Variants in PPWD1 observed in about 807,000 individuals in gnomAD.
The protein encoded by PPWD1 is peptidylprolyl isomerase domain and WD repeat-containing protein 1.
PPWD1 carries 43 observed loss-of-function variants against 68.8 expected under a neutral mutation model. The observed-to-expected ratio is 0.62, with a 90% confidence interval of 0.49 to 0.81. The LOEUF (loss-of-function observed/expected upper bound fraction) is 0.81. PPWD1 is among the 30% of genes least tolerant of loss of function. The pLI is 0.00. For synonymous variants in PPWD1, 232 were observed against 258.7 expected (o/e 0.90, Z 0.99); for missense variants, 672 against 804.8 (o/e 0.83, Z 2.00).
intron 1 of PPWD1, 126 bp from the exon 2 acceptor site, chr5:65,567,387 G>C: frequency 7.5e-7 from 1 of 1,325,608 alleles, no homozygotes; most frequent in East Asian, 2.6e-5. Context: ...ATTGTGAATT[G>C]AGAAAAACTA....
In PPWD1 at chr5:65,587,518, AT is replaced by A; in HGVS notation, c.*128del. The A allele has an allele frequency of 1.3e-6, 1 of 795,380 alleles. No individual in the cohort carries two copies. Among genetic ancestry groups the A allele is most frequent in the Non-Finnish European group, 1.8e-6 (1 of 565,322 alleles). 49.3% of individuals were successfully genotyped at this position (795,380 alleles called of 1,614,324 possible). A position where few individuals can be genotyped will look rare whatever the true frequency, so the allele number is the denominator to read the frequency against. ...TGTTTCAAAGATACAGTATTTTTGT[AT>A]TTTTTATTAAAGGCTATTTTTTAAA... On this transcript the variant is annotated 3_prime_UTR_variant, in exon 11 of 11. Transcript: ENST00000261308.
At chr5:65,563,587 A>G in intron 1 of PPWD1, 81 bp downstream of exon 1, 1 of 1,488,336 alleles carries the variant, frequency 6.7e-7, no homozygotes, top group Non-Finnish European at 9.0e-7. Flanking sequence ...CCGAAGAGGG[A>G]TGATGTGTGG....
At chr5:65,585,197 G>A (rs1753781737) in intron 9 of PPWD1, 102 bp downstream of exon 9, 1 of 1,198,646 alleles carries the variant, frequency 8.3e-7, no homozygotes. Context: ...AATCAGTTTA[G>A]TGGAAAGGAA....
chr5:65,584,621 C>T (rs1753739965), intron 8 of PPWD1, among the ~76,000 whole-genome samples: 1 of 152,004 alleles, frequency 6.6e-6, no homozygotes, highest in Non-Finnish European at 1.5e-5. Context: ...CTTTAGGAGG[C>T]TGAGGCAGGA....
At chr5:65,585,163 A>G in intron 9 of PPWD1, 68 bp downstream of exon 9, 1 of 1,440,690 alleles carries the variant, frequency 6.9e-7, no homozygotes, top group Non-Finnish European at 9.6e-7. Flanking sequence ...ATTTAAGCGC[A>G]AGGAATCTTC....
chr5:65,573,281 T>A (rs1168627555), intron 5 of PPWD1, among the ~76,000 whole-genome samples: 1 of 150,424 alleles, frequency 6.6e-6, no homozygotes, highest in Non-Finnish European at 1.5e-5. Flanking sequence ...TCTTGCACAG[T>A]TTTTTTATTT....
chr5:65,565,374 T>TAA lies in PPWD1; in HGVS notation c.196+1872_196+1873dup, dbSNP rs764500602. ...TTAATTAAACGAGTAAGGAGAAATG[T>TAA]AAAAATCCAGAAATATCGAAATGCT... On this transcript the variant is annotated intron_variant, in intron 1 of 10. Coordinates refer to ENST00000261308, the MANE Select transcript of PPWD1 (RefSeq NM_015342.4). 1.2e-3 allele frequency among the ~76,000 whole-genome samples: 190 copies of TAA among 152,344 alleles called. 1 individual carries two copies. The Middle Eastern group carries it at 0.031, about 25-fold the overall frequency.
chr5:65,564,869 A>G (rs1043369333), intron 1 of PPWD1, among the ~76,000 whole-genome samples: 8 of 152,128 alleles, frequency 5.3e-5, no homozygotes, highest in Non-Finnish European at 8.8e-5. Context: ...CTTTTGGTCA[A>G]CCTTTAGCAC....
chr5:65,570,044 T>C, intron 4 of PPWD1, 46 bp downstream of exon 4: 2 of 1,508,088 alleles, frequency 1.3e-6, no homozygotes, highest in Non-Finnish European at 1.8e-6. Context: ...TTGAAGTAAT[T>C]TGTAAATCAG....
chr5:65,563,590 A>G, intron 1 of PPWD1, 84 bp downstream of exon 1: 9 of 1,482,780 alleles, frequency 6.1e-6, no homozygotes, highest in Non-Finnish European at 8.1e-6. Flanking sequence ...AAGAGGGATG[A>G]TGTGTGGAGT....
chr5:65,584,172 G>C (rs1753718691), intron 8 of PPWD1, among the ~76,000 whole-genome samples: 1 of 151,920 alleles, frequency 6.6e-6, no homozygotes, highest in African/African-American at 2.4e-5. Context: ...ACCATATCTT[G>C]GTACTCAACA....
At chr5:65,583,001 T>G in intron 7 of PPWD1, 37 bp from the exon 8 acceptor site, 2 of 1,469,446 alleles carry the variant, frequency 1.4e-6, no homozygotes, top group Non-Finnish European at 1.8e-6. Context: ...GATGAAAACT[T>G]TAATTCGTTG....
intron 5 of PPWD1, among the ~76,000 whole-genome samples, chr5:65,574,565 G>A (rs1054213914): frequency 1.0e-4 from 15 of 144,118 alleles, no homozygotes; most frequent in South Asian, 2.3e-4. Flanking sequence ...CCGGGTTCAC[G>A]CCATTCTCCT....
At position 65,586,201 on chromosome 5, in the gene PPWD1, TTA is replaced by T; in HGVS notation, c.1797+23_1797+24del. 1 of 1,597,614 alleles carries T rather than the reference TTA, an allele frequency of 6.3e-7. No homozygotes were observed. Among genetic ancestry groups the T allele is most frequent in the East Asian group, 2.2e-5 (1 of 44,722 alleles). On this transcript the variant is annotated intron_variant, in intron 10 of 10. Coordinates refer to ENST00000261308, the MANE Select transcript of PPWD1 (RefSeq NM_015342.4). ...CCAACGGTAAGTACAGTATCATTGT[TTA>T]TAAACTACAGATTGATAGGTTATGA...
intron 5 of PPWD1, chr5:65,576,314 C>G: frequency 1.0e-6 from 1 of 983,234 alleles, no homozygotes; most frequent in Non-Finnish European, 1.2e-6. Context: ...AGCAGTAGTT[C>G]TATTAACCAA....
intron 8 of PPWD1, among the ~76,000 whole-genome samples, chr5:65,584,430 T>C (rs565593291): frequency 2.6e-5 from 4 of 152,216 alleles, no homozygotes; most frequent in Non-Finnish European, 5.9e-5. Context: ...TTAGATGTCA[T>C]TTCTATGATT....
chr5:65,572,289 A>C lies in PPWD1; in HGVS notation c.969+3A>C. 6.3e-7 allele frequency: 1 copy of C among 1,590,148 alleles called. No homozygotes were observed. Among genetic ancestry groups the C allele is most frequent in the Non-Finnish European group, 8.6e-7 (1 of 1,168,330 alleles). On this transcript the variant is annotated splice_donor_region_variant and intron_variant, in intron 5 of 10. Coordinates refer to ENST00000261308, the MANE Select transcript of PPWD1 (RefSeq NM_015342.4). ...GAGTCTTTGATGAATCACTAAGCGTAAGTGTAATTTAAATTTAACCGTACT... is the reference window on the plus strand; with the variant it reads ...GAGTCTTTGATGAATCACTAAGCGTCAGTGTAATTTAAATTTAACCGTACT...
rs1581150627 is a variant in PPWD1 at position 65,569,910 on chromosome 5, G to T, written c.433G>T (p.Gly145Ter). ...TGAGAGTATTGCAGTTAGCTCTGAG[G>T]GAGCATTGTTCTGTTCTGTGGGTGA... ...VIESIAVSSE[G>*]ALFCSVGDDK... The change falls in exon 4 of 11, where the codon GGA becomes TGA. Residue 145 changes from glycine (G) to a stop codon, truncating the protein, a stop_gained. Coordinates refer to ENST00000261308, the MANE Select transcript of PPWD1 (RefSeq NM_015342.4). LOFTEE classifies it high-confidence loss of function. 1 of 1,610,952 alleles carries T rather than the reference G, an allele frequency of 6.2e-7. No homozygotes were observed.
chr5:65,567,667 AAAAG>A (rs2150590528), intron 2 of PPWD1, 52 bp downstream of exon 2: 1 of 1,491,184 alleles, frequency 6.7e-7, no homozygotes, highest in East Asian at 2.3e-5. Context: ...TAAAAAAAAA[AAAAG>A]CTTCAATTTT....
Sources: gnomAD v4.1 joint callset for allele counts (sites outside exome capture counted in the v4.1 genomes callset) on GRCh38, gnomAD v4.1.1 for gene constraint, MANE v1.5 for transcripts, NCBI Gene and HGNC (gene_info 2026-07-23, HGNC 2026-07-21) for gene names.